The following AVEN variants were observed in gnomAD, a reference collection of about 807,000 sequenced individuals.
The protein encoded by AVEN is apoptosis and caspase activation inhibitor.
In AVEN, 41 loss-of-function variants were observed where a neutral mutation model predicts 38.1. The ratio of observed to expected loss-of-function variants is 1.08; its 90% confidence interval spans 0.84 to 1.40. The LOEUF (loss-of-function observed/expected upper bound fraction) is 1.40, where lower values mean the gene tolerates loss of function less well. Among genes scored for constraint, AVEN ranks in the 40% most tolerant of loss-of-function variants. The pLI is 0.00. For missense variants in AVEN, 605 were observed against 438.8 expected, an observed-to-expected ratio of 1.38 and a Z score of -3.38; for synonymous variants, 206 against 171.8, an observed-to-expected ratio of 1.20 and a Z score of -1.56.
intron 2 of AVEN, among the ~76,000 whole-genome samples, chr15:33,898,852 A>T (rs1288652455): frequency 6.6e-6 from 1 of 152,196 alleles, no homozygotes; most frequent in Non-Finnish European, 1.5e-5. Flanking sequence ...TCCCAGGGGG[A>T]TTAACAGAGG....
intron 1 of AVEN, among the ~76,000 whole-genome samples, chr15:34,031,051 C>A (rs767094781): frequency 6.6e-6 from 1 of 151,494 alleles, no homozygotes; most frequent in African/African-American, 2.4e-5. Flanking sequence ...GTGTCAGTAA[C>A]TTGACACAGT....
chr15:33,935,586 T>G lies in AVEN; in HGVS notation c.446-59591A>C, dbSNP rs1440718301. Among the ~76,000 whole-genome samples the G allele has an allele frequency of 2.0e-5, 3 of 152,120 alleles. No individual in the cohort carries two copies. The East Asian group carries it at 5.8e-4, about 29-fold the overall frequency. On this transcript the variant is annotated intron_variant, in intron 2 of 5. Transcript: ENST00000306730. Reference sequence around the variant, plus strand: ...TCCCACTTGGAGATTTCTATAAAGGTTATATATGTGTATAGATAAATATTT... The same window carrying G: ...TCCCACTTGGAGATTTCTATAAAGGGTATATATGTGTATAGATAAATATTT...
chr15:33,967,749 C>A (rs1223763705), intron 2 of AVEN, among the ~76,000 whole-genome samples: 1 of 151,614 alleles, frequency 6.6e-6, no homozygotes, highest in East Asian at 1.9e-4. Flanking sequence ...AACTGAAGTG[C>A]AAAAATTATG....
chr15:34,061,933 G>A (rs567240477), intron 5 of AVEN, among the ~76,000 whole-genome samples: 15 of 152,254 alleles, frequency 9.9e-5, no homozygotes, highest in Admixed American at 7.2e-4. Context: ...AGTGCATGAC[G>A]ATTTAGGTAT....
intron 5 of AVEN, among the ~76,000 whole-genome samples, chr15:33,867,014 C>CA (rs1193902530): frequency 7.2e-5 from 11 of 152,140 alleles, no homozygotes; most frequent in East Asian, 5.8e-4. Context: ...TAAAGGATCT[C>CA]AAATGTAATA....
intron 5 of AVEN, among the ~76,000 whole-genome samples, chr15:34,046,355 A>AC (rs1899681002): frequency 6.6e-6 from 1 of 151,672 alleles, no homozygotes; most frequent in South Asian, 2.1e-4. Flanking sequence ...AAAAAAAAAA[A>AC]AACGGGAAAA....
At chr15:33,926,453 C>T (rs1893611049) in intron 2 of AVEN, among the ~76,000 whole-genome samples, 1 of 152,074 alleles carries the variant, frequency 6.6e-6, no homozygotes, top group African/African-American at 2.4e-5. Context: ...TGAGCTTTGA[C>T]CCCAGTGCTA....
intron 2 of AVEN, among the ~76,000 whole-genome samples, chr15:33,960,300 T>C (rs908845253): frequency 1.3e-5 from 2 of 152,094 alleles, no homozygotes; most frequent in African/African-American, 2.4e-5. Flanking sequence ...ATCCTGAAAA[T>C]TGCAGCTTAT....
At chr15:33,941,867 C>G (rs1894330861) in intron 2 of AVEN, among the ~76,000 whole-genome samples, 2 of 152,186 alleles carry the variant, frequency 1.3e-5, no homozygotes, top group Non-Finnish European at 1.5e-5. Context: ...GCTATTTACA[C>G]ACTTCAGCTT....
chr15:34,026,919 G>C (rs763641370), intron 1 of AVEN, among the ~76,000 whole-genome samples: 5 of 152,122 alleles, frequency 3.3e-5, no homozygotes, highest in Non-Finnish European at 7.3e-5. Context: ...TAGAATTAAA[G>C]AGTGACATGA....
intron 1 of AVEN, among the ~76,000 whole-genome samples, chr15:34,023,921 G>A (rs1358491634): frequency 6.6e-6 from 1 of 152,140 alleles, no homozygotes; most frequent in Admixed American, 6.5e-5. Flanking sequence ...CAAAATAGAG[G>A]ACTCTATCCA....
chr15:33,861,302 G>GC (rs1220910649), downstream of AVEN: 2 of 627,112 alleles, frequency 3.2e-6, no homozygotes, highest in African/African-American at 3.7e-5. Context: ...GTCCCCATGA[G>GC]CCTGTACCTT....
rs569261093 is a variant in AVEN at position 33,896,996 on chromosome 15, G to C, written c.446-21001C>G. Among the ~76,000 whole-genome samples, 53 of 152,308 alleles carry C rather than the reference G, an allele frequency of 3.5e-4. No homozygotes were observed. The Middle Eastern group carries it at 0.014, about 39-fold the overall frequency. ...GCTGAATGAGTAGTAAAAAGGAACA[G>C]ACTTCCAGTAAGTGCAACAACATAG... is the stretch of plus-strand genomic sequence containing the variant. On this transcript the variant is annotated intron_variant, in intron 2 of 5. Coordinates refer to ENST00000306730, the MANE Select transcript of AVEN (RefSeq NM_020371.3).
chr15:33,888,659 T>A (rs1401094135), intron 2 of AVEN, among the ~76,000 whole-genome samples: 1 of 152,150 alleles, frequency 6.6e-6, no homozygotes, highest in Middle Eastern at 3.2e-3. Flanking sequence ...TTATTGTTAA[T>A]GTTTTATAGT....
chr15:33,905,567 G>A (rs551569553), intron 2 of AVEN, among the ~76,000 whole-genome samples: 2 of 152,318 alleles, frequency 1.3e-5, no homozygotes, highest in African/African-American at 4.8e-5. Flanking sequence ...GTTCACACCT[G>A]GAATCCCAGC....
chr15:34,073,512 CTTTTTTCTT>C lies in AVEN; in HGVS notation n.720+915_720+923del, dbSNP rs1597399915. Among the ~76,000 whole-genome samples, 4 of 116,188 alleles carry C rather than the reference CTTTTTTCTT, an allele frequency of 3.4e-5. No individual in the cohort carries two copies. In the East Asian group the frequency reaches 1.1e-3, roughly 31 times the overall value. 76.2% of individuals were successfully genotyped at this position (116,188 alleles called of 152,430 possible). A position where few individuals can be genotyped will look rare whatever the true frequency, so the allele number is the denominator to read the frequency against. ...AGGGAGCTCTTTTTTCTTTTCTTTT[CTTTTTTCTT>C]TTTTTTTTTTTTTTTTGAGACGGAG... On this transcript the variant is annotated intron_variant and non_coding_transcript_variant, in intron 1 of 11. Transcript: ENST00000675287.
intron 2 of AVEN, among the ~76,000 whole-genome samples, chr15:33,987,764 G>C (rs1896540798): frequency 6.6e-6 from 1 of 152,170 alleles, no homozygotes; most frequent in African/African-American, 2.4e-5. Context: ...TCTGCTACAA[G>C]TTGGCAAACA....
At chr15:33,968,519 G>A (rs193168841) in intron 2 of AVEN, among the ~76,000 whole-genome samples, 29 of 152,148 alleles carry the variant, frequency 1.9e-4, no homozygotes, top group Non-Finnish European at 2.4e-4. Context: ...TACGCTCACC[G>A]TCCAGAGACA....
At chr15:34,001,019 ATTT>A (rs562045179) in intron 2 of AVEN, among the ~76,000 whole-genome samples, 3 of 136,744 alleles carry the variant, frequency 2.2e-5, no homozygotes. Flanking sequence ...TTGGACTAGA[ATTT>A]TTTTTTTTTT....
Sources: gnomAD v4.1 joint callset for allele counts (sites outside exome capture counted in the v4.1 genomes callset) on GRCh38, gnomAD v4.1.1 for gene constraint, MANE v1.5 for transcripts, NCBI Gene and HGNC (gene_info 2026-07-23, HGNC 2026-07-21) for gene names.